CUX2: variants seen among roughly 807,000 people sequenced by gnomAD.
The protein encoded by CUX2 is cut like homeobox 2.
In CUX2, 40 loss-of-function variants were observed where a neutral mutation model predicts 144.8. The observed-to-expected ratio is 0.28, with a 90% CI of 0.21 to 0.36. The LOEUF (loss-of-function observed/expected upper bound fraction) is 0.36, where lower values mean the gene tolerates loss of function less well. Ranked by LOEUF, CUX2 falls within the 10% of genes least tolerant of loss-of-function variation. The pLI is 1.00. For synonymous variants in CUX2, 827 were observed against 875.6 expected, an observed-to-expected ratio of 0.94 and a Z score of 0.98; for missense variants, 1,615 against 1,994.0, an observed-to-expected ratio of 0.81 and a Z score of 3.62.
chr12:111,195,320 A>T (rs996906785), intron 1 of CUX2, among the ~76,000 whole-genome samples: 1 of 152,146 alleles, frequency 6.6e-6, no homozygotes, highest in African/African-American at 2.4e-5. Flanking sequence ...GTTGGCTGAC[A>T]ACCTATATTC....
At chr12:111,247,068 C>T (rs1034655314) in intron 3 of CUX2, among the ~76,000 whole-genome samples, 2 of 152,146 alleles carry the variant, frequency 1.3e-5, no homozygotes, top group Non-Finnish European at 2.9e-5. Flanking sequence ...TGTATCATCA[C>T]CTTAATCCTG....
chr12:111,209,402 T>A (rs1304419327), intron 1 of CUX2, among the ~76,000 whole-genome samples: 3 of 152,132 alleles, frequency 2.0e-5, no homozygotes, highest in Non-Finnish European at 4.4e-5. Flanking sequence ...TAAAAAAAAA[T>A]TTTGTAATTC....
rs149116655 is a variant in CUX2, at chr12:111,255,225, G to A, written c.223-8536G>A. Reference sequence around the variant, plus strand: ...GGACCCCTGGGTGACCCTCCAGAGGGCCAGAGAGGGTCTCCAATTTCTGCC... The same window carrying A: ...GGACCCCTGGGTGACCCTCCAGAGGACCAGAGAGGGTCTCCAATTTCTGCC... On this transcript the variant is annotated intron_variant, in intron 3 of 21. Transcript: ENST00000261726. This position sits in a 1 kb window ranked among gnomAD's most constrained non-coding sequence, Gnocchi z 4.1. Among the ~76,000 whole-genome samples, 50 of 152,332 alleles carry A rather than the reference G, an allele frequency of 3.3e-4. No homozygotes were observed. The highest frequency in any genetic ancestry group is 1.2e-3 in the African/African-American group (49 of 41,576).
chr12:111,140,256 G>A (rs1344609339), intron 1 of CUX2, among the ~76,000 whole-genome samples: 2 of 152,144 alleles, frequency 1.3e-5, no homozygotes, highest in African/African-American at 2.4e-5. Context: ...AGGCTATACA[G>A]GGACTTAATT....
chr12:111,184,255 T>G (rs1879369544), intron 1 of CUX2, among the ~76,000 whole-genome samples: 2 of 152,066 alleles, frequency 1.3e-5, no homozygotes, highest in African/African-American at 4.8e-5. Flanking sequence ...GGTGTGGCAT[T>G]AATAGTAAGA....
chr12:111,212,163 A>G (rs1881270698), intron 1 of CUX2, among the ~76,000 whole-genome samples: 1 of 152,020 alleles, frequency 6.6e-6, no homozygotes, highest in Admixed American at 6.5e-5. Flanking sequence ...CTGTCACTGG[A>G]TATTTCGGTT....
At chr12:111,177,611 G>A (rs1878933784) in intron 1 of CUX2, among the ~76,000 whole-genome samples, 1 of 152,182 alleles carries the variant, frequency 6.6e-6, no homozygotes. Context: ...GGCTGGTCTC[G>A]AACTCCTGAC....
At chr12:111,194,717 G>A (rs1880129802) in intron 1 of CUX2, among the ~76,000 whole-genome samples, 1 of 152,214 alleles carries the variant, frequency 6.6e-6, no homozygotes, top group Non-Finnish European at 1.5e-5. Context: ...GGTCACCTCG[G>A]TCCCTGATGT....
chr12:111,160,925 G>A lies in CUX2; in HGVS notation c.64-53275G>A, dbSNP rs1877718875. Among the ~76,000 whole-genome samples, 1 of 152,196 alleles carries A rather than the reference G, an allele frequency of 6.6e-6. No individual in the cohort carries two copies. The highest frequency in any genetic ancestry group is 2.4e-5 in the African/African-American group (1 of 41,444). On this transcript the variant is annotated intron_variant, in intron 1 of 21. Transcript: ENST00000261726. The surrounding 1 kb of genome is among the most constrained non-coding windows in gnomAD (Gnocchi z 4.1). ...GAAGATGCAGGGAGGAATAGCGGGA[G>A]CAGATGGGACGTGAGAGTGCAGAGT...
intron 4 of CUX2, among the ~76,000 whole-genome samples, chr12:111,266,030 T>C (rs951725186): frequency 6.6e-6 from 1 of 152,308 alleles, no homozygotes; most frequent in South Asian, 2.1e-4. Flanking sequence ...TGTAGTGGGT[T>C]GGATAGTGTG....
At chr12:111,113,162 A>C (rs1002119459) in intron 1 of CUX2, among the ~76,000 whole-genome samples, 1 of 152,054 alleles carries the variant, frequency 6.6e-6, no homozygotes, top group African/African-American at 2.4e-5. Flanking sequence ...GGGAGCCGGG[A>C]GGGGTAGAGA....
intron 2 of CUX2, among the ~76,000 whole-genome samples, chr12:111,216,068 TGCTCGC>T: frequency 6.6e-6 from 1 of 152,360 alleles, no homozygotes; most frequent in East Asian, 1.9e-4. Context: ...GCTCACCTCC[TGCTCGC>T]GCCTGTGCTC....
chr12:111,063,955 G>A (rs1160964023), intron 1 of CUX2, among the ~76,000 whole-genome samples: 4 of 152,202 alleles, frequency 2.6e-5, no homozygotes, highest in Non-Finnish European at 5.9e-5. Flanking sequence ...GTCTGGACAT[G>A]CACCCGGCAA....
intron 1 of CUX2, among the ~76,000 whole-genome samples, chr12:111,122,762 G>A (rs140600513): frequency 4.2e-4 from 64 of 152,258 alleles, no homozygotes; most frequent in African/African-American, 1.4e-3. Flanking sequence ...AACAGCCACC[G>A]GCTAGTTGCT....
intron 2 of CUX2, 111 bp from the exon 3 acceptor site, chr12:111,217,779 C>T (rs1197858570): frequency 2.9e-5 from 33 of 1,135,142 alleles, no homozygotes; most frequent in African/African-American, 4.6e-5. Context: ...TCAGGCCCCA[C>T]GGGACATGCT....
At chr12:111,292,252 A>G (rs1393010229) in intron 5 of CUX2, among the ~76,000 whole-genome samples, 1 of 152,256 alleles carries the variant, frequency 6.6e-6, no homozygotes, top group African/African-American at 2.4e-5. Flanking sequence ...TCGGCCATGA[A>G]AAGGAAAGAA....
intron 3 of CUX2, among the ~76,000 whole-genome samples, chr12:111,220,896 A>G (rs1179981479): frequency 4.1e-5 from 6 of 145,580 alleles, no homozygotes; most frequent in African/African-American, 1.5e-4. Context: ...TGATTATACC[A>G]TTTCTTTCTA....
intron 1 of CUX2, among the ~76,000 whole-genome samples, chr12:111,193,079 GA>G (rs1163983071): frequency 5.3e-5 from 8 of 152,222 alleles, no homozygotes; most frequent in Non-Finnish European, 8.8e-5. Flanking sequence ...TTGGGTGAAG[GA>G]AAGAGTGAAT....
chr12:111,109,791 A>G (rs947028414), intron 1 of CUX2, among the ~76,000 whole-genome samples: 7 of 152,172 alleles, frequency 4.6e-5, no homozygotes, highest in African/African-American at 1.7e-4. Flanking sequence ...TTGCAGGTTA[A>G]TGAGCCACTG....
Sources: allele counts gnomAD v4.1 joint callset (sites outside exome capture counted in the v4.1 genomes callset), GRCh38; gene constraint gnomAD v4.1.1; non-coding constraint Gnocchi (gnomAD v3.1); transcripts MANE v1.5; gene names NCBI Gene and HGNC (gene_info 2026-07-23, HGNC 2026-07-21).